ECHDC3: variants seen among roughly 807,000 people sequenced by gnomAD.
The protein encoded by ECHDC3 is enoyl-CoA hydratase domain-containing protein 3, mitochondrial.
Under a neutral mutation model 17.9 loss-of-function variants are expected in ECHDC3, and 20 were observed. The observed-to-expected ratio is 1.12, with a 90% CI of 0.79 to 1.63. The LOEUF is 1.63. Among genes scored for constraint, ECHDC3 ranks in the 40% most tolerant of loss-of-function variants. The pLI, the probability that ECHDC3 is intolerant of heterozygous loss-of-function variation, is 0.00. For missense variants in ECHDC3, 407 were observed against 357.7 expected (o/e 1.14, Z -1.11); for synonymous variants, 177 against 149.7 (o/e 1.18, Z -1.33).
At chr10:11,756,176 G>A (rs1832885085) in intron 4 of ECHDC3, among the ~76,000 whole-genome samples, 1 of 152,328 alleles carries the variant, frequency 6.6e-6, no homozygotes, top group African/African-American at 2.4e-5. Context: ...TGTTGAATCT[G>A]CCCAAGAAGG....
chr10:11,755,403 C>T lies in ECHDC3; in HGVS notation c.391-5C>T, dbSNP rs546338653. On this transcript the variant is annotated splice_polypyrimidine_tract_variant and splice_region_variant and intron_variant, in intron 3 of 4. Transcript: ENST00000379215. ...GGAAATGAAGTAGGTGTGTTTGTCCCGCAGGTCATGATGCACATCCGGAAC... is the reference window on the plus strand; with the variant it reads ...GGAAATGAAGTAGGTGTGTTTGTCCTGCAGGTCATGATGCACATCCGGAAC... 3.1e-5 allele frequency: 49 copies of T among 1,606,482 alleles called. No individual in the cohort carries two copies. The Admixed American group carries it at 4.7e-4, about 15-fold the overall frequency.
chr10:11,747,420 A>G lies in ECHDC3; in HGVS notation c.242A>G (p.Asp81Gly). 6.2e-7 allele frequency: 1 copy of G among 1,614,044 alleles called. No individual in the cohort carries two copies. The highest frequency in any genetic ancestry group is 8.5e-7 in the Non-Finnish European group (1 of 1,179,990). ...GCAATGCTGAAGTCTCTCCAAAGTGACATTCTTCATGACGCTGACAGCAAC... is the reference window on the plus strand; with the variant it reads ...GCAATGCTGAAGTCTCTCCAAAGTGGCATTCTTCATGACGCTGACAGCAAC... ...SLAMLKSLQSDILHDADSNDL... is the reference protein window; with the variant it reads ...SLAMLKSLQSGILHDADSNDL... The change falls in exon 2 of 5, where the codon GAC (aspartate) becomes GGC (glycine). Residue 81 changes from aspartate (D) to glycine (G), a missense_variant. Transcript: ENST00000379215.
Position 11,747,389 on chromosome 10 carries a change from T to C in ECHDC3, c.211T>C (p.Ser71Pro). The change falls in exon 2 of 5, where the codon TCA (serine) becomes CCA (proline). Residue 71 changes from serine (S) to proline (P), a missense_variant. By Grantham distance (74) the Ser-to-Pro change is moderately conservative (BLOSUM62 -1). Transcript: ENST00000379215. ...LSNPKKRNAL[S>P]LAMLKSLQSD... ...CAATCCCAAGAAGAGGAACGCGTTG[T>C]CACTTGCAATGCTGAAGTCTCTCCA... 1 of 1,614,072 alleles carries C rather than the reference T, an allele frequency of 6.2e-7. No individual in the cohort carries two copies. The highest frequency in any genetic ancestry group is 8.5e-7 in the Non-Finnish European group (1 of 1,179,964).
rs1231497835 is a variant in ECHDC3, at chr10:11,763,511, G to A, written c.879G>A (p.Lys293=). The change falls in exon 5 of 5, where the codon AAG becomes AAA. Residue 293 remains lysine, a synonymous_variant. Coordinates refer to ENST00000379215, the MANE Select transcript of ECHDC3 (RefSeq NM_024693.5). The surrounding 1 kb of genome is among the most constrained non-coding windows in gnomAD (Gnocchi z 4.9). ...GQEGITAFLQ[K]RKPVWSHEPV ...AGGGCATCACGGCCTTCCTCCAGAAGAGAAAACCTGTCTGGTCACACGAGC... is the reference window on the plus strand; with the variant it reads ...AGGGCATCACGGCCTTCCTCCAGAAAAGAAAACCTGTCTGGTCACACGAGC... 3.5e-6 allele frequency: 5 copies of A among 1,418,004 alleles called. No homozygotes were observed. In the South Asian group the frequency reaches 4.7e-5, roughly 13 times the overall value. 87.8% of individuals were successfully genotyped at this position (1,418,004 alleles called of 1,614,324 possible).
At chr10:11,749,448 G>T (rs768082307) in intron 2 of ECHDC3, 47 bp from the exon 3 acceptor site, 3 of 1,597,100 alleles carry the variant, frequency 1.9e-6, no homozygotes, top group Admixed American at 3.3e-5. Flanking sequence ...CCAACTCTGG[G>T]TGTTTACATC....
At position 11,742,429 on chromosome 10, in the gene ECHDC3, C is replaced by G. The variant is rs916525106; in HGVS notation, c.-148C>G. 6.8e-6 allele frequency: 5 copies of G among 734,544 alleles called. No individual in the cohort carries two copies. The highest frequency in any genetic ancestry group is 9.1e-6 in the Non-Finnish European group (5 of 546,546). 45.5% of individuals were successfully genotyped at this position (734,544 alleles called of 1,614,324 possible). On this transcript the variant is annotated 5_prime_UTR_variant, in exon 1 of 5. Transcript: ENST00000379215. The stretch of plus-strand genomic sequence containing the variant: ...TGGGGCGTCCCCGCGAAGCCTGGGC[C>G]TGTCAGGCGGTTCCGTCCGGGTCTC...
chr10:11,757,754 C>G (rs1832899818), intron 4 of ECHDC3, among the ~76,000 whole-genome samples: 1 of 152,166 alleles, frequency 6.6e-6, no homozygotes, highest in Non-Finnish European at 1.5e-5. Context: ...AATCACAGTA[C>G]TGATAATGGG....
intron 1 of ECHDC3, 142 bp from the exon 2 acceptor site, chr10:11,747,207 A>C (rs1832770340): frequency 4.7e-6 from 5 of 1,058,536 alleles, no homozygotes; most frequent in Non-Finnish European, 6.5e-6. Context: ...GAGAGTTGAC[A>C]GACCCTCTAA....
intron 1 of ECHDC3, 122 bp downstream of exon 1, chr10:11,742,868 C>G: frequency 9.0e-7 from 1 of 1,115,662 alleles, no homozygotes. Flanking sequence ...AGGGAACTCC[C>G]CGTGTCCCGG....
chr10:11,763,284 G>A lies in ECHDC3; in HGVS notation c.652G>A (p.Gly218Arg), dbSNP rs201396395. ...PISAQEALLH[G>R]LLSKVVPEAE... The stretch of plus-strand genomic sequence containing the variant: ...TTCTGCCCAGGAGGCCCTGCTCCAC[G>A]GGCTGCTTAGCAAGGTGGTGCCAGA... The change falls in exon 5 of 5, where the codon GGG (glycine) becomes AGG (arginine). Residue 218 changes from glycine (G) to arginine (R), a missense_variant. Physicochemically the swap from Gly to Arg is moderately radical, Grantham distance 125. Coordinates refer to ENST00000379215, the MANE Select transcript of ECHDC3 (RefSeq NM_024693.5). The surrounding 1 kb of genome is among the most constrained non-coding windows in gnomAD (Gnocchi z 4.9). 1.3e-6 allele frequency: 1 copy of A among 780,172 alleles called. No homozygotes were observed. Among genetic ancestry groups the A allele is most frequent in the East Asian group, 2.4e-5 (1 of 41,216 alleles). 48.3% of individuals were successfully genotyped at this position (780,172 alleles called of 1,614,324 possible).
At chr10:11,755,251 G>A (rs567020496) in intron 3 of ECHDC3, 157 bp from the exon 4 acceptor site, 7 of 622,716 alleles carry the variant, frequency 1.1e-5, no homozygotes, top group Admixed American at 3.3e-5. Context: ...GCTTGAACTC[G>A]GGAGGAAGAG....
chr10:11,763,196 C>T lies in ECHDC3; in HGVS notation c.592-28C>T, dbSNP rs34917252. Reference sequence around the variant, plus strand: ...GCGGGGGCGGGTCACAGGAGAGCACCTCAGTGACATCCCGTGTCTCCCCGT... The same window carrying T: ...GCGGGGGCGGGTCACAGGAGAGCACTTCAGTGACATCCCGTGTCTCCCCGT... On this transcript the variant is annotated intron_variant, in intron 4 of 4. Transcript: ENST00000379215. The surrounding 1 kb of genome is among the most constrained non-coding windows in gnomAD (Gnocchi z 4.9). The T allele has an allele frequency of 1.3e-6, 1 of 746,404 alleles. No individual in the cohort carries two copies. The allele number at this position is 746,404 out of a possible 1,614,324, so 46.2% of individuals were successfully genotyped here. A position where few individuals can be genotyped will look rare whatever the true frequency, so the allele number is the denominator to read the frequency against.
At position 11,763,190 on chromosome 10, in the gene ECHDC3, G is replaced by A. The variant is rs368468418; in HGVS notation, c.592-34G>A. 2.3e-5 allele frequency: 17 copies of A among 734,786 alleles called. No individual in the cohort carries two copies. Among genetic ancestry groups the A allele is most frequent in the Admixed American group, 7.2e-5 (4 of 55,784 alleles). The allele number at this position is 734,786 out of a possible 1,614,324, so 45.5% of individuals were successfully genotyped here. On this transcript the variant is annotated intron_variant, in intron 4 of 4. Transcript: ENST00000379215. This position sits in a 1 kb window ranked among gnomAD's most constrained non-coding sequence, Gnocchi z 4.9. ...CAGGTGGCGGGGGCGGGTCACAGGA[G>A]AGCACCTCAGTGACATCCCGTGTCT...
rs558295765 is a variant in ECHDC3, at chr10:11,743,030, C to T, written c.170+284C>T. ...GCCTGGAGAGGAGGGCTCTGGGCCC[C>T]AGACCCGGCCCTAGGGGAAGTGTGG... On this transcript the variant is annotated intron_variant, in intron 1 of 4. Transcript: ENST00000379215. The T allele has an allele frequency of 5.9e-4, 181 of 307,182 alleles. 2 individuals are homozygous for T. The highest frequency in any genetic ancestry group is 3.9e-3 in the African/African-American group (180 of 45,916). The allele number at this position is 307,182 out of a possible 1,614,324, so 19.0% of individuals were successfully genotyped here.
intron 4 of ECHDC3, among the ~76,000 whole-genome samples, chr10:11,760,448 C>T (rs1189215721): frequency 6.6e-6 from 1 of 152,234 alleles, no homozygotes; most frequent in Non-Finnish European, 1.5e-5. Context: ...CTGAGCCGGC[C>T]AGGAAGGAAC....
At chr10:11,754,879 T>C (rs987462666) in intron 3 of ECHDC3, among the ~76,000 whole-genome samples, 1 of 152,240 alleles carries the variant, frequency 6.6e-6, no homozygotes, top group Non-Finnish European at 1.5e-5. Flanking sequence ...CCCATGGGGC[T>C]CTCAGAAAGA....
Position 11,755,470 on chromosome 10 carries a change from G to A in ECHDC3, c.453G>A (p.Ala151=), listed in dbSNP as rs148330396. ...TTGCCATGGTCAATGGCCTGGCCGCGGCTGCCGGCTGTCAACTGGTTGCCA... is the reference window on the plus strand; with the variant it reads ...TTGCCATGGTCAATGGCCTGGCCGCAGCTGCCGGCTGTCAACTGGTTGCCA... ...PVIAMVNGLA[A]AAGCQLVASC... The change falls in exon 4 of 5, where the codon GCG becomes GCA. Residue 151 remains alanine (A), a synonymous_variant. Transcript: ENST00000379215. 54 of 1,613,874 alleles carry A rather than the reference G, an allele frequency of 3.3e-5. 1 individual carries two copies. In the African/African-American group the frequency reaches 4.7e-4, roughly 14 times the overall value.
chr10:11,746,944 C>G (rs1202117080), intron 1 of ECHDC3, among the ~76,000 whole-genome samples: 1 of 152,104 alleles, frequency 6.6e-6, no homozygotes, highest in Non-Finnish European at 1.5e-5. Flanking sequence ...TTCTAAGGAA[C>G]AATGGAAAGA....
chr10:11,758,117 G>A (rs1020415082), intron 4 of ECHDC3, among the ~76,000 whole-genome samples: 4 of 152,198 alleles, frequency 2.6e-5, no homozygotes, highest in Admixed American at 2.0e-4. Context: ...CCTGGCCGCC[G>A]CAGGGACCTG....
Sources: gnomAD v4.1 joint callset for allele counts (sites outside exome capture counted in the v4.1 genomes callset) on GRCh38, gnomAD v4.1.1 for gene constraint, Gnocchi (gnomAD v3.1) non-coding constraint, MANE v1.5 for transcripts, NCBI Gene and HGNC (gene_info 2026-07-23, HGNC 2026-07-21) for gene names.